The following TRIM71 variants were observed in gnomAD, a reference collection of about 807,000 sequenced individuals.
TRIM71 encodes tripartite motif containing 71, also known as E3 ubiquitin-protein ligase TRIM71.
TRIM71 carries 9 observed loss-of-function variants against 61.2 expected under a neutral mutation model. The ratio of observed to expected loss-of-function variants is 0.15; its 90% CI spans 0.09 to 0.26. TRIM71 has a LOEUF of 0.26. Among genes scored for constraint, TRIM71 ranks in the 10% least tolerant of loss-of-function variants. The pLI, the probability that TRIM71 is intolerant of heterozygous loss-of-function variation, is 1.00. For synonymous variants in TRIM71, 645 were observed against 553.2 expected (o/e 1.17, Z -2.33); for missense variants, 998 against 1,238.7 (o/e 0.81, Z 2.92).
At chr3:32,881,494 G>T (rs1696906862) in intron 2 of TRIM71, among the ~76,000 whole-genome samples, 1 of 152,176 alleles carries the variant, frequency 6.6e-6, no homozygotes, top group Non-Finnish European at 1.5e-5. Context: ...TTGAGAGCCA[G>T]ATTTGGCCCA....
chr3:32,872,005 G>C (rs528580449), intron 1 of TRIM71, among the ~76,000 whole-genome samples: 1 of 152,236 alleles, frequency 6.6e-6, no homozygotes, highest in African/African-American at 2.4e-5. Context: ...TTAGTTGGGC[G>C]TGGTGGCAGG....
At chr3:32,819,284 G>C (rs1370937750) in intron 1 of TRIM71, among the ~76,000 whole-genome samples, 1 of 151,790 alleles carries the variant, frequency 6.6e-6, no homozygotes, top group South Asian at 2.1e-4. Context: ...TCCTGCTCTT[G>C]TGGGCACACC....
rs926880804 is a variant in TRIM71, at chr3:32,818,291, G to C, written c.211G>C (p.Glu71Gln). 31 of 1,431,574 alleles carry C rather than the reference G, an allele frequency of 2.2e-5. No individual in the cohort carries two copies. Among genetic ancestry groups the C allele is most frequent in the Admixed American group, 3.0e-5 (1 of 33,446 alleles). The allele number at this position is 1,431,574 out of a possible 1,614,324, so 88.7% of individuals were successfully genotyped here. Residue 71 changes from glutamate to glutamine, a missense_variant, in exon 1 of 4, where the codon GAG (glutamate) becomes CAG (glutamine). Physicochemically the swap from Glu to Gln is conservative, Grantham distance 29 (BLOSUM62 2). Coordinates refer to ENST00000383763, the MANE Select transcript of TRIM71 (RefSeq NM_001039111.3). ...CLHAFCRPCL[E>Q]AHRLPAAGGG... ...GCACGCCTTCTGCCGCCCCTGCCTC[G>C]AGGCGCACCGGCTGCCGGCGGCGGG...
At chr3:32,867,931 T>C (rs74384466) in intron 1 of TRIM71, among the ~76,000 whole-genome samples, 5,438 of 152,148 alleles carry the variant, frequency 0.036, 162 homozygotes, top group Non-Finnish European at 0.057. Flanking sequence ...TGTGTGTGTT[T>C]TAATTCCTAA....
At chr3:32,886,319 T>C (rs530564571) in intron 3 of TRIM71, among the ~76,000 whole-genome samples, 1 of 152,264 alleles carries the variant, frequency 6.6e-6, no homozygotes, top group South Asian at 2.1e-4. Flanking sequence ...GTCTCCAGTT[T>C]TATATTGCAT....
chr3:32,854,905 C>T (rs1394882476), intron 1 of TRIM71, among the ~76,000 whole-genome samples: 1 of 152,150 alleles, frequency 6.6e-6, no homozygotes, highest in Non-Finnish European at 1.5e-5. Flanking sequence ...GTACAGTGAT[C>T]TCCCTTACCC....
intron 1 of TRIM71, among the ~76,000 whole-genome samples, chr3:32,872,843 C>G (rs1424781215): frequency 2.6e-5 from 4 of 152,186 alleles, no homozygotes; most frequent in Admixed American, 1.3e-4. Flanking sequence ...CTGCCTGTTG[C>G]ATGTTAGCTA....
chr3:32,828,012 TTGCTGCTAAATATAGA>T (rs1446199671), intron 1 of TRIM71, among the ~76,000 whole-genome samples: 17 of 152,328 alleles, frequency 1.1e-4, no homozygotes, highest in South Asian at 8.3e-4. Context: ...CACTTAAGTT[TTGCTGCTAAATATAGA>T]TTGGATGACT....
intron 1 of TRIM71, among the ~76,000 whole-genome samples, chr3:32,830,061 C>G (rs1158947287): frequency 1.3e-5 from 2 of 151,206 alleles, no homozygotes; most frequent in Admixed American, 6.6e-5. Flanking sequence ...GTATATGGGA[C>G]TATAGGTACA....
intron 1 of TRIM71, among the ~76,000 whole-genome samples, chr3:32,834,710 C>CGG (rs1170149184): frequency 1.3e-5 from 2 of 152,062 alleles, no homozygotes; most frequent in African/African-American, 4.8e-5. Context: ...GGTGCGGTGG[C>CGG]GGGCGCCTGT....
chr3:32,838,831 C>T (rs765622845), intron 1 of TRIM71, among the ~76,000 whole-genome samples: 21 of 151,836 alleles, frequency 1.4e-4, no homozygotes, highest in Non-Finnish European at 2.8e-4. Flanking sequence ...GACGAGGTCT[C>T]GCTCTGTCAC....
intron 3 of TRIM71, among the ~76,000 whole-genome samples, chr3:32,888,605 ATCTCGGCTCAC>A (rs764254446): frequency 9.2e-5 from 14 of 151,930 alleles, no homozygotes; most frequent in Non-Finnish European, 1.9e-4. Context: ...CAGTGGCACG[ATCTCGGCTCAC>A]TGCAACCTCC....
chr3:32,875,746 G>A (rs1170856691), intron 2 of TRIM71, among the ~76,000 whole-genome samples: 1 of 152,112 alleles, frequency 6.6e-6, no homozygotes, highest in Non-Finnish European at 1.5e-5. Context: ...TGAGGTGGAA[G>A]GGTCACTTGA....
chr3:32,846,345 G>A (rs185158254), intron 1 of TRIM71, among the ~76,000 whole-genome samples: 1,804 of 152,308 alleles, frequency 0.012, 25 homozygotes, highest in Non-Finnish European at 0.019. Flanking sequence ...AAAGTGCTGG[G>A]ATTACAGGCG....
At chr3:32,866,163 G>GT (rs61702225) in intron 1 of TRIM71, among the ~76,000 whole-genome samples, 4,234 of 146,424 alleles carry the variant, frequency 0.029, 90 homozygotes, top group East Asian at 0.13. Flanking sequence ...CAGGATTTTT[G>GT]TTTTTTTTTT....
At chr3:32,857,377 GTTC>G (rs1696617082) in intron 1 of TRIM71, among the ~76,000 whole-genome samples, 1 of 152,196 alleles carries the variant, frequency 6.6e-6, no homozygotes, top group African/African-American at 2.4e-5. Flanking sequence ...AGTGGCTGAA[GTTC>G]TTCTTGGAGT....
intron 2 of TRIM71, among the ~76,000 whole-genome samples, chr3:32,881,258 T>A (rs1362649898): frequency 6.6e-6 from 1 of 152,114 alleles, no homozygotes; most frequent in Admixed American, 6.6e-5. Flanking sequence ...CCTCAGGCAG[T>A]CCACCTGCCT....
Position 32,892,588 on chromosome 3 carries a change from T to G in TRIM71, c.*777T>G, listed in dbSNP as rs1271940353. ...TTTTAAGGGAGGGTGTGTGCATGTT[T>G]GTTTCAAAGCCATCTTGCACCCAAG... On this transcript the variant is annotated 3_prime_UTR_variant, in exon 4 of 4. Coordinates refer to ENST00000383763, the MANE Select transcript of TRIM71 (RefSeq NM_001039111.3). 3 of 152,206 alleles carry G rather than the reference T, an allele frequency of 2.0e-5. No individual in the cohort carries two copies. The highest frequency in any genetic ancestry group is 7.2e-5 in the African/African-American group (3 of 41,460). The allele number at this position is 152,206 out of a possible 1,614,324, so 9.4% of individuals were successfully genotyped here.
chr3:32,818,119 G>C lies in TRIM71; in HGVS notation c.39G>C (p.Leu13Phe). 5 of 1,612,594 alleles carry C rather than the reference G, an allele frequency of 3.1e-6. No individual in the cohort carries two copies. The highest frequency in any genetic ancestry group is 3.4e-6 in the Non-Finnish European group (4 of 1,179,254). ...CCGAGACCGATTTCCAGATCTGCTTGCTGTGCAAGGAGATGTGCGGCTCGC... is the reference window on the plus strand; with the variant it reads ...CCGAGACCGATTTCCAGATCTGCTTCCTGTGCAAGGAGATGTGCGGCTCGC... ...SFPETDFQIC[L>F]LCKEMCGSPA... Residue 13 changes from leucine (L) to phenylalanine (F), a missense_variant, in exon 1 of 4, where the codon TTG becomes TTC. Physicochemically the swap from Leu to Phe is conservative, Grantham distance 22 (BLOSUM62 0). Transcript: ENST00000383763.
Sources: allele counts gnomAD v4.1 joint callset (sites outside exome capture counted in the v4.1 genomes callset), GRCh38; gene constraint gnomAD v4.1.1; transcripts MANE v1.5; gene names NCBI Gene and HGNC (gene_info 2026-07-23, HGNC 2026-07-21).